GLIS3: variants seen among roughly 807,000 people sequenced by gnomAD.
GLIS3 encodes the protein zinc finger protein GLIS3.
Under a neutral mutation model 78.6 loss-of-function variants are expected in GLIS3, and 53 were observed. The ratio of observed to expected loss-of-function variants is 0.67; its 90% confidence interval spans 0.54 to 0.85. The LOEUF (loss-of-function observed/expected upper bound fraction) is 0.85, where lower values mean the gene tolerates loss of function less well. GLIS3 is among the 40% of genes least tolerant of loss of function. The pLI, the probability that GLIS3 is intolerant of heterozygous loss-of-function variation, is 0.00. For missense variants in GLIS3, 1,703 were observed against 1,231.1 expected (o/e 1.38, Z -5.74); for synonymous variants, 684 against 509.9 (o/e 1.34, Z -4.60).
the GLIS3 span, among the ~76,000 whole-genome samples, chr9:4,441,122 T>C: frequency 6.6e-6 from 1 of 152,198 alleles, no homozygotes; most frequent in Admixed American, 6.5e-5. Context: ...ACTTCCTCCT[T>C]TCCAATTTGG....
At chr9:4,052,978 C>T (rs1015216415) in intron 4 of GLIS3, among the ~76,000 whole-genome samples, 2 of 152,092 alleles carry the variant, frequency 1.3e-5, no homozygotes, top group African/African-American at 2.4e-5. Context: ...GAAAGAGTCT[C>T]GCTGTGTTGC....
chr9:4,073,289 C>T (rs908969478), intron 4 of GLIS3, among the ~76,000 whole-genome samples: 6 of 152,186 alleles, frequency 3.9e-5, no homozygotes, highest in East Asian at 1.9e-4. Flanking sequence ...CCAAGTAGTG[C>T]GTCTCAAACC....
intron 4 of GLIS3, among the ~76,000 whole-genome samples, chr9:4,075,477 G>A (rs1827969415): frequency 6.6e-6 from 1 of 151,654 alleles, no homozygotes. Flanking sequence ...TCGGGAGGCT[G>A]AGGCGGAAGA....
the GLIS3 span, among the ~76,000 whole-genome samples, chr9:4,440,156 C>T: frequency 6.6e-6 from 1 of 152,130 alleles, no homozygotes; most frequent in Non-Finnish European, 1.5e-5. Flanking sequence ...CTTTACTCTG[C>T]TAATTGTTTC....
chr9:4,356,213 C>T, the GLIS3 span, among the ~76,000 whole-genome samples: 1 of 152,154 alleles, frequency 6.6e-6, no homozygotes, highest in African/African-American at 2.4e-5. Context: ...TCTTTCATTT[C>T]AGTCGCTATT....
At chr9:4,343,293 G>C (rs979416664) in intron 2 of GLIS3, among the ~76,000 whole-genome samples, 2 of 152,202 alleles carry the variant, frequency 1.3e-5, no homozygotes, top group Admixed American at 6.5e-5. Flanking sequence ...AGTAAGCTCT[G>C]ATTGTGCCAC....
At chr9:3,944,802 T>C (rs1046110942) in intron 4 of GLIS3, among the ~76,000 whole-genome samples, 17 of 152,210 alleles carry the variant, frequency 1.1e-4, no homozygotes, top group Non-Finnish European at 8.8e-5. Context: ...TTATAAAAAA[T>C]AGACGTTTAT....
the GLIS3 span, among the ~76,000 whole-genome samples, chr9:4,432,894 T>C: frequency 6.6e-6 from 1 of 151,878 alleles, no homozygotes; most frequent in Non-Finnish European, 1.5e-5. Flanking sequence ...ACCCGCCTCA[T>C]CCTCCCATCC....
intron 2 of GLIS3, among the ~76,000 whole-genome samples, chr9:4,139,357 A>G (rs550233164): frequency 6.6e-6 from 1 of 152,328 alleles, no homozygotes; most frequent in African/African-American, 2.4e-5. Context: ...ACAACTTTTA[A>G]GAACAATTCA....
the GLIS3 span, among the ~76,000 whole-genome samples, chr9:4,377,800 T>A: frequency 6.6e-6 from 1 of 152,164 alleles, no homozygotes; most frequent in African/African-American, 2.4e-5. Flanking sequence ...TTAGGCAATA[T>A]TTACTGAGTA....
intron 2 of GLIS3, among the ~76,000 whole-genome samples, chr9:4,325,160 T>G (rs991875822): frequency 1.3e-5 from 2 of 152,130 alleles, no homozygotes; most frequent in Admixed American, 6.5e-5. Context: ...TACACCACCC[T>G]CTCTATACTT....
chr9:4,142,093 G>A (rs1159761638), intron 2 of GLIS3, among the ~76,000 whole-genome samples: 3 of 152,140 alleles, frequency 2.0e-5, no homozygotes, highest in African/African-American at 7.2e-5. Context: ...AACAGAGTAG[G>A]TGCTCACTTA....
intron 4 of GLIS3, among the ~76,000 whole-genome samples, chr9:4,047,791 G>T (rs993368539): frequency 6.6e-6 from 1 of 152,160 alleles, no homozygotes; most frequent in Non-Finnish European, 1.5e-5. Context: ...ACATGAACCT[G>T]GGTGTTATGG....
intron 2 of GLIS3, among the ~76,000 whole-genome samples, chr9:4,141,817 T>G (rs1205370577): frequency 2.0e-5 from 3 of 152,196 alleles, no homozygotes; most frequent in African/African-American, 7.2e-5. Flanking sequence ...AAAATACAAT[T>G]TTAACATCAC....
At chr9:4,146,246 G>A (rs4524847) in intron 2 of GLIS3, among the ~76,000 whole-genome samples, 34,533 of 151,768 alleles carry the variant, frequency 0.23, 4,328 homozygotes, top group Middle Eastern at 0.34. Context: ...AAGGAAGGGG[G>A]GACACCTTAC....
the GLIS3 span, among the ~76,000 whole-genome samples, chr9:4,357,418 G>C: frequency 2.6e-5 from 4 of 152,140 alleles, no homozygotes; most frequent in Admixed American, 6.6e-5. Flanking sequence ...CTTGCCTTCA[G>C]TTTGGACTAG....
At chr9:4,161,154 T>A (rs986204629) in intron 2 of GLIS3, among the ~76,000 whole-genome samples, 1 of 151,520 alleles carries the variant, frequency 6.6e-6, no homozygotes, top group African/African-American at 2.4e-5. Context: ...ATGTTGGTAG[T>A]CCCGGCTACT....
intron 2 of GLIS3, among the ~76,000 whole-genome samples, chr9:4,218,762 G>A (rs904360159): frequency 6.6e-6 from 1 of 152,048 alleles, no homozygotes; most frequent in Non-Finnish European, 1.5e-5. Flanking sequence ...TACCATATTG[G>A]ACTGCCAACT....
chr9:3,895,993 A>C (rs1162594408), intron 7 of GLIS3, among the ~76,000 whole-genome samples: 1 of 152,242 alleles, frequency 6.6e-6, no homozygotes, highest in Non-Finnish European at 1.5e-5. Context: ...GATTTTGTAT[A>C]ATAGAACATA....
Sources: gnomAD v4.1 joint callset for allele counts (sites outside exome capture counted in the v4.1 genomes callset) on GRCh38, gnomAD v4.1.1 for gene constraint, MANE v1.5 for transcripts, NCBI Gene and HGNC (gene_info 2026-07-23, HGNC 2026-07-21) for gene names.